The following ST6GALNAC5 variants were observed in gnomAD, a reference collection of about 807,000 sequenced individuals.
ST6GALNAC5 encodes alpha-N-acetylgalactosaminide alpha-2,6-sialyltransferase 5.
In ST6GALNAC5, 27 loss-of-function variants were observed where a neutral mutation model predicts 33.6. The ratio of observed to expected loss-of-function variants is 0.80; its 90% CI spans 0.59 to 1.11. ST6GALNAC5 has a LOEUF of 1.11. Among genes scored for constraint, ST6GALNAC5 ranks in the 50% least tolerant of loss-of-function variants. The probability of loss-of-function intolerance (pLI) is 0.00; values close to 1 mark genes in which losing one functional copy is unlikely to be tolerated. For missense variants in ST6GALNAC5, 428 were observed against 454.0 expected (o/e 0.94, Z 0.52); for synonymous variants, 194 against 171.2 (o/e 1.13, Z -1.04).
intron 2 of ST6GALNAC5, among the ~76,000 whole-genome samples, chr1:76,957,996 G>A (rs950301620): frequency 1.3e-5 from 2 of 152,072 alleles, no homozygotes; most frequent in Non-Finnish European, 2.9e-5. Flanking sequence ...TTGACTTTGA[G>A]AATGTACCAT....
intron 2 of ST6GALNAC5, among the ~76,000 whole-genome samples, chr1:77,013,544 C>T (rs1294380793): frequency 2.0e-5 from 3 of 152,166 alleles, no homozygotes; most frequent in Non-Finnish European, 2.9e-5. Flanking sequence ...AGTCATGTTA[C>T]GATTTGTTTT....
intron 4 of ST6GALNAC5, among the ~76,000 whole-genome samples, chr1:77,055,236 C>T (rs1384487742): frequency 6.6e-6 from 1 of 152,160 alleles, no homozygotes; most frequent in Non-Finnish European, 1.5e-5. Context: ...ATCTTCTCTA[C>T]TGATGCATTT....
At chr1:76,892,825 G>A (rs775186881) in intron 2 of ST6GALNAC5, among the ~76,000 whole-genome samples, 12 of 152,068 alleles carry the variant, frequency 7.9e-5, no homozygotes, top group African/African-American at 1.7e-4. Context: ...CTCTTTTTAC[G>A]TTTTTGCACC....
chr1:76,920,115 A>G (rs1207327690), intron 2 of ST6GALNAC5, among the ~76,000 whole-genome samples: 1 of 152,150 alleles, frequency 6.6e-6, no homozygotes, highest in Non-Finnish European at 1.5e-5. Flanking sequence ...TAAATTAGGA[A>G]AAAGGGAAAG....
chr1:76,934,075 G>A (rs1766284), intron 2 of ST6GALNAC5, among the ~76,000 whole-genome samples: 1 of 151,812 alleles, frequency 6.6e-6, no homozygotes, highest in East Asian at 1.9e-4. Flanking sequence ...TACATTTAGA[G>A]TCTGGGAAAT....
At chr1:76,884,229 A>G (rs906216610) in intron 2 of ST6GALNAC5, among the ~76,000 whole-genome samples, 5 of 152,192 alleles carry the variant, frequency 3.3e-5, no homozygotes, top group African/African-American at 1.2e-4. Context: ...CAGATTCTCC[A>G]ACAGAAGGTT....
chr1:76,901,099 T>C (rs1646813243), intron 2 of ST6GALNAC5, among the ~76,000 whole-genome samples: 1 of 152,212 alleles, frequency 6.6e-6, no homozygotes, highest in African/African-American at 2.4e-5. Flanking sequence ...TTGCAATAAG[T>C]GTTTGTGGTA....
At position 77,062,981 on chromosome 1, in the gene ST6GALNAC5, C is replaced by T; in HGVS notation, c.786C>T (p.Pro262=). 6.2e-7 allele frequency: 1 copy of T among 1,612,460 alleles called. No homozygotes were observed. Among genetic ancestry groups the T allele is most frequent in the African/African-American group, 1.3e-5 (1 of 74,942 alleles). Reference sequence around the variant, plus strand: ...TCTCAATTTCCTCCTACAGGGATCCCAATCACCCTTCAGTACCTTATCATT... The same window carrying T: ...TCTCAATTTCCTCCTACAGGGATCCTAATCACCCTTCAGTACCTTATCATT... ...GMVPPDFCRD[P]NHPSVPYHYY... is the part of the protein sequence containing the mutation. The change falls in exon 5 of 5, where the codon CCC becomes CCT. Residue 262 remains proline, a synonymous_variant. Coordinates refer to ENST00000477717, the MANE Select transcript of ST6GALNAC5 (RefSeq NM_030965.3).
chr1:76,947,691 AGCTATGATCACGCC>A (rs1204271428), intron 2 of ST6GALNAC5, among the ~76,000 whole-genome samples: 1 of 152,126 alleles, frequency 6.6e-6, no homozygotes, highest in Non-Finnish European at 1.5e-5. Context: ...GGCTGCAGTG[AGCTATGATCACGCC>A]GCTGTATTCT....
At chr1:77,016,785 G>C (rs959550040) in intron 2 of ST6GALNAC5, among the ~76,000 whole-genome samples, 1 of 152,258 alleles carries the variant, frequency 6.6e-6, no homozygotes, top group East Asian at 1.9e-4. Context: ...CCTTTCAACA[G>C]TCCTACATCC....
At chr1:76,974,243 C>A (rs547228424) in intron 2 of ST6GALNAC5, among the ~76,000 whole-genome samples, 1 of 142,664 alleles carries the variant, frequency 7.0e-6, no homozygotes, top group African/African-American at 2.6e-5. Flanking sequence ...AATAAGGCCT[C>A]GCTCTGTCTC....
intron 2 of ST6GALNAC5, among the ~76,000 whole-genome samples, chr1:76,949,469 T>A (rs1432273166): frequency 6.6e-6 from 1 of 152,148 alleles, no homozygotes. Context: ...TTGCCCTTTT[T>A]AGACCCAGCT....
At chr1:76,897,321 C>T (rs1646752545) in intron 2 of ST6GALNAC5, among the ~76,000 whole-genome samples, 1 of 152,074 alleles carries the variant, frequency 6.6e-6, no homozygotes, top group Non-Finnish European at 1.5e-5. Context: ...ATGGGTTTAG[C>T]ACCATGGGGT....
intron 2 of ST6GALNAC5, among the ~76,000 whole-genome samples, chr1:77,026,701 A>G: frequency 6.6e-6 from 1 of 152,212 alleles, no homozygotes; most frequent in Non-Finnish European, 1.5e-5. Flanking sequence ...AGCCTCCTTC[A>G]TAGTAGAGAT....
chr1:77,055,842 T>C (rs1557776827), intron 4 of ST6GALNAC5, among the ~76,000 whole-genome samples: 1 of 152,244 alleles, frequency 6.6e-6, no homozygotes, highest in Non-Finnish European at 1.5e-5. Flanking sequence ...CTTGTCATTG[T>C]GTCTGGCATA....
At chr1:76,887,958 T>C (rs1653933312) in intron 2 of ST6GALNAC5, among the ~76,000 whole-genome samples, 1 of 152,214 alleles carries the variant, frequency 6.6e-6, no homozygotes, top group Admixed American at 6.5e-5. Flanking sequence ...TGTGAAGCAG[T>C]GACTAGCTCC....
At chr1:76,888,001 C>T (rs77848133) in intron 2 of ST6GALNAC5, among the ~76,000 whole-genome samples, 2,904 of 152,170 alleles carry the variant, frequency 0.019, 104 homozygotes, top group African/African-American at 0.065. Context: ...CAAATCTTTA[C>T]GGCATTTGAA....
intron 2 of ST6GALNAC5, among the ~76,000 whole-genome samples, chr1:77,023,013 C>T (rs1368149126): frequency 6.6e-6 from 1 of 152,102 alleles, no homozygotes; most frequent in Non-Finnish European, 1.5e-5. Flanking sequence ...GAAATGAGAC[C>T]TTTAGAGAGG....
chr1:76,975,767 C>G (rs1474332610), intron 2 of ST6GALNAC5, among the ~76,000 whole-genome samples: 1 of 152,076 alleles, frequency 6.6e-6, no homozygotes, highest in Non-Finnish European at 1.5e-5. Flanking sequence ...AAATAATTAT[C>G]ATAAAAGTCA....
Sources: allele counts gnomAD v4.1 joint callset (sites outside exome capture counted in the v4.1 genomes callset), GRCh38; gene constraint gnomAD v4.1.1; transcripts MANE v1.5; gene names NCBI Gene and HGNC (gene_info 2026-07-23, HGNC 2026-07-21).